PRPS2: variants seen among roughly 807,000 people sequenced by gnomAD.
The protein encoded by PRPS2 is ribose-phosphate pyrophosphokinase 2.
For missense variants in PRPS2, 104 were observed against 271.5 expected (o/e 0.38, Z 4.34); for synonymous variants, 111 against 115.3 (o/e 0.96, Z 0.24).
chrX:12,798,699 T>C (rs927934687), intron 1 of PRPS2, among the ~76,000 whole-genome samples: 3 of 112,166 alleles, frequency 2.7e-5, no homozygotes, highest in Non-Finnish European at 5.6e-5. Context: ...GGCTGGCCTC[T>C]GGGAGCTTAC....
At chrX:12,810,418 G>GT (rs2042617821) in intron 4 of PRPS2, 2 of 291,827 alleles carry the variant, frequency 6.9e-6, no homozygotes, top group African/African-American at 5.5e-5. Context: ...TGTGTTTGAG[G>GT]TTTTTTTAAG....
rs184904900 is a variant in PRPS2, at chrX:12,797,132, C to T, written c.123-2075C>T. ...CAGCACTTTGGGAGGCTGAGGTGGG[C>T]GGATCACTTGAGGTCAGGAGTTCAA... On this transcript the variant is annotated intron_variant, in intron 1 of 6. Coordinates refer to ENST00000380668, the MANE Select transcript of PRPS2 (RefSeq NM_002765.5). 1.0e-4 allele frequency among the ~76,000 whole-genome samples: 11 copies of T among 110,017 alleles called. No homozygotes were observed. In the Admixed American group the frequency reaches 1.1e-3, roughly 11 times the overall value.
At chrX:12,821,675 T>C (rs892902067) in intron 6 of PRPS2, among the ~76,000 whole-genome samples, 3 of 111,657 alleles carry the variant, frequency 2.7e-5, no homozygotes, top group African/African-American at 6.5e-5. Context: ...CTTAGCCAGA[T>C]AGATAAATAG....
Position 12,819,655 on chromosome X carries a change from G to A in PRPS2, c.679G>A (p.Gly227Ser). ...ILVDDMADTCGTICHAADKLL... is the reference protein window; with the variant it reads ...ILVDDMADTCSTICHAADKLL... Reference sequence around the variant, plus strand: ...CGTGGATGACATGGCTGACACTTGCGGCACCATCTGCCATGCTGCGGACAA... The same window carrying A: ...CGTGGATGACATGGCTGACACTTGCAGCACCATCTGCCATGCTGCGGACAA... The change falls in exon 5 of 7, where the codon GGC becomes AGC. Residue 227 changes from glycine to serine, a missense_variant. Gly to Ser is a moderately conservative substitution (Grantham distance 56, BLOSUM62 0). Transcript: ENST00000380668. The A allele has an allele frequency of 1.7e-6, 2 of 1,211,232 alleles. No homozygotes were observed. Among genetic ancestry groups the A allele is most frequent in the Non-Finnish European group, 2.2e-6 (2 of 895,186 alleles).
At chrX:12,794,753 A>G (rs2042535462) in intron 1 of PRPS2, among the ~76,000 whole-genome samples, 1 of 111,863 alleles carries the variant, frequency 8.9e-6, no homozygotes, top group South Asian at 3.8e-4. Flanking sequence ...TGCCATGGTG[A>G]TGATATTCTC....
chrX:12,796,021 G>T (rs2042541234), intron 1 of PRPS2, among the ~76,000 whole-genome samples: 2 of 111,193 alleles, frequency 1.8e-5, no homozygotes, highest in Non-Finnish European at 3.8e-5. Flanking sequence ...ATGTCAACTT[G>T]AAAAACTTTA....
intron 4 of PRPS2, among the ~76,000 whole-genome samples, chrX:12,815,266 A>G (rs1185579624): frequency 1.8e-5 from 2 of 111,347 alleles, no homozygotes; most frequent in East Asian, 5.7e-4. Flanking sequence ...CCCCACTGCC[A>G]AGAACCACAG....
chrX:12,813,895 A>G (rs1257643313), intron 4 of PRPS2, among the ~76,000 whole-genome samples: 3 of 111,144 alleles, frequency 2.7e-5, no homozygotes, highest in Non-Finnish European at 5.7e-5. Context: ...TTACGTAGTC[A>G]GGTTTATTTT....
chrX:12,813,569 G>C (rs1246511333), intron 4 of PRPS2, among the ~76,000 whole-genome samples: 1 of 111,859 alleles, frequency 8.9e-6, no homozygotes, highest in Non-Finnish European at 1.9e-5. Flanking sequence ...ACACAGCCTT[G>C]CTCACACAGT....
chrX:12,806,804 T>C (rs1302962819), intron 2 of PRPS2, among the ~76,000 whole-genome samples: 2 of 112,399 alleles, frequency 1.8e-5, no homozygotes, highest in East Asian at 2.8e-4. Flanking sequence ...AAATATTCTT[T>C]GGTGCTGGGC....
At chrX:12,803,310 C>T (rs1250294953) in intron 2 of PRPS2, among the ~76,000 whole-genome samples, 1 of 112,248 alleles carries the variant, frequency 8.9e-6, no homozygotes, top group African/African-American at 3.2e-5. Context: ...TTTTTAGAGA[C>T]AGGGTCTCGC....
At chrX:12,801,197 G>T (rs999517523) in intron 2 of PRPS2, among the ~76,000 whole-genome samples, 1 of 98,633 alleles carries the variant, frequency 1.0e-5, no homozygotes, top group Non-Finnish European at 2.0e-5. Flanking sequence ...CCCTGTATTA[G>T]ACCATTGATA....
At chrX:12,814,394 C>T (rs2042638044) in intron 4 of PRPS2, among the ~76,000 whole-genome samples, 1 of 111,960 alleles carries the variant, frequency 8.9e-6, no homozygotes. Context: ...GTTTCTGCTA[C>T]ACATTATTGT....
intron 4 of PRPS2, among the ~76,000 whole-genome samples, chrX:12,817,524 C>T (rs142548499): frequency 4.1e-4 from 42 of 102,404 alleles, no homozygotes; most frequent in Non-Finnish European, 1.6e-4. Context: ...ACAGAGTTAC[C>T]ATATGACCCA....
chrX:12,813,781 G>A (rs761737775), intron 4 of PRPS2, among the ~76,000 whole-genome samples: 25 of 111,888 alleles, frequency 2.2e-4, no homozygotes, highest in Admixed American at 8.5e-4. Context: ...TTGCATAGAC[G>A]AGATCACAGC....
chrX:12,821,257 T>C (rs1199696938), intron 6 of PRPS2, among the ~76,000 whole-genome samples: 1 of 112,054 alleles, frequency 8.9e-6, no homozygotes, highest in Admixed American at 9.5e-5. Flanking sequence ...GTCGCTACGA[T>C]GGAATACTAT....
At chrX:12,800,166 C>T (rs1602409682) in intron 2 of PRPS2, among the ~76,000 whole-genome samples, 2 of 111,813 alleles carry the variant, frequency 1.8e-5, no homozygotes, top group South Asian at 7.5e-4. Context: ...CTCACAGTTT[C>T]GGAGGCCCAG....
At chrX:12,791,990 G>A (rs2042521762) in intron 1 of PRPS2, among the ~76,000 whole-genome samples, 1 of 113,230 alleles carries the variant, frequency 8.8e-6, no homozygotes, top group Admixed American at 9.2e-5. Context: ...TGGGCGCAGC[G>A]GGCGGGAACC....
Position 12,796,506 on chromosome X carries a change from C to T in PRPS2, c.123-2701C>T, listed in dbSNP as rs183561109. 7.2e-3 allele frequency among the ~76,000 whole-genome samples: 800 copies of T among 111,595 alleles called. 5 individuals carry two copies. The highest frequency in any genetic ancestry group is 0.014 in the Middle Eastern group (3 of 217). On this transcript the variant is annotated intron_variant, in intron 1 of 6. Coordinates refer to ENST00000380668, the MANE Select transcript of PRPS2 (RefSeq NM_002765.5). Reference sequence around the variant, plus strand: ...TGCTGGGATTACAGGCGTGAGCCACCGCGCCCAGCCTTAATTGGCTCTTTT... The same window carrying T: ...TGCTGGGATTACAGGCGTGAGCCACTGCGCCCAGCCTTAATTGGCTCTTTT...
Sources: gnomAD v4.1 joint callset for allele counts (sites outside exome capture counted in the v4.1 genomes callset) on GRCh38, gnomAD v4.1.1 for gene constraint, MANE v1.5 for transcripts, NCBI Gene and HGNC (gene_info 2026-07-23, HGNC 2026-07-21) for gene names.